OR52R1: variants seen among roughly 807,000 people sequenced by gnomAD.
The protein encoded by OR52R1 is olfactory receptor family 52 subfamily R member 1, also known as olfactory receptor 52R1.
For synonymous variants in OR52R1, 159 were observed against 150.1 expected, an observed-to-expected ratio of 1.06 and a Z score of -0.43; for missense variants, 432 against 395.1, an observed-to-expected ratio of 1.09 and a Z score of -0.79.
In OR52R1 at chr11:4,803,451, A is replaced by G. The variant is rs372717045; in HGVS notation, c.930T>C (p.Cys310=). 5 of 1,607,042 alleles carry G rather than the reference A, an allele frequency of 3.1e-6. No individual in the cohort carries two copies. Among genetic ancestry groups the G allele is most frequent in the Non-Finnish European group, 4.3e-6 (5 of 1,175,134 alleles). Residue 310 remains cysteine, a synonymous_variant, in exon 1 of 1, where the codon TGT becomes TGC. Transcript: ENST00000624978. The part of the protein sequence containing the change: ...KQIGDRVIQG[C]CGNIP ...CCTTTGCTCAGGGGATGTTTCCACA[A>G]CATCCTTGGATAACCCTGTCCCCGA...
rs370886643 is a variant in OR52R1, at chr11:4,804,348, A to G, written c.33T>C (p.His11=). The change falls in exon 1 of 1, where the codon CAT becomes CAC. Residue 11 remains histidine, a synonymous_variant. Coordinates refer to ENST00000624978, the MANE Select transcript of OR52R1 (RefSeq NM_001005177.3). MVLASGNSSS[H]PVSFILLGIP... ...TTCCAAGCAGGATGAAGGACACAGG[A>G]TGAGAAGAGCTGTTCCCTGAAGCCA... The G allele has an allele frequency of 6.2e-7, 1 of 1,614,172 alleles. No homozygotes were observed. Among genetic ancestry groups the G allele is most frequent in the Non-Finnish European group, 8.5e-7 (1 of 1,180,034 alleles).
Position 4,803,885 on chromosome 11 carries a change from C to T in OR52R1, c.496G>A (p.Val166Met). 6.2e-7 allele frequency: 1 copy of T among 1,612,794 alleles called. No individual in the cohort carries two copies. The highest frequency in any genetic ancestry group is 2.2e-5 in the East Asian group (1 of 44,814). The change falls in exon 1 of 1, where the codon GTG becomes ATG. Residue 166 changes from valine to methionine, a missense_variant. Val to Met is a conservative substitution (Grantham distance 21). Transcript: ENST00000624978. Reference sequence around the variant, plus strand: ...TGTTGGCAGAAGGGCATCCTAGACACCATGAAGCAGAAGGGGCTCACCCAC... The same window carrying T: ...TGTTGGCAGAAGGGCATCCTAGACATCATGAAGCAGAAGGGGCTCACCCAC... ...LLWVSPFCFM[V>M]SRMPFCQHQA... is the part of the protein sequence containing the mutation.
chr11:4,804,313 A>G lies in OR52R1; in HGVS notation c.68T>C (p.Leu23Pro). 2 of 1,614,158 alleles carry G rather than the reference A, an allele frequency of 1.2e-6. No individual in the cohort carries two copies. Among genetic ancestry groups the G allele is most frequent in the Non-Finnish European group, 1.7e-6 (2 of 1,180,026 alleles). ...GGCAATCCACAACTGGAAACTCTCC[A>G]GGCCTGGGATTCCAAGCAGGATGAA... ...VSFILLGIPG[L>P]ESFQLWIAFP... Residue 23 changes from leucine to proline, a missense_variant, in exon 1 of 1, where the codon CTG (leucine) becomes CCG (proline). Transcript: ENST00000624978.
In OR52R1 at chr11:4,803,591, T is replaced by G. The variant is rs1849214486; in HGVS notation, c.790A>C (p.Thr264Pro). The change falls in exon 1 of 1, where the codon ACC becomes CCC. Residue 264 changes from threonine to proline, a missense_variant. Coordinates refer to ENST00000624978, the MANE Select transcript of OR52R1 (RefSeq NM_001005177.3). ...LYIPALFSFL[T>P]YRFGHDVPRV... Reference sequence around the variant, plus strand: ...GGCACATCATGGCCAAAGCGGTAGGTGAGGAAAGAAAAAAGGGCTGGGATA... The same window carrying G: ...GGCACATCATGGCCAAAGCGGTAGGGGAGGAAAGAAAAAAGGGCTGGGATA... 6.2e-7 allele frequency: 1 copy of G among 1,612,078 alleles called. No homozygotes were observed. The highest frequency in any genetic ancestry group is 1.3e-5 in the African/African-American group (1 of 74,196).
rs752734603 is a variant in OR52R1, at chr11:4,803,471, C to T, written c.910G>A (p.Asp304Asn). The T allele has an allele frequency of 7.4e-6, 12 of 1,613,230 alleles. No individual in the cohort carries two copies. Among genetic ancestry groups the T allele is most frequent in the Non-Finnish European group, 9.3e-6 (11 of 1,179,364 alleles). ...IYGVRTKQIG[D>N]RVIQGCCGNI... is the part of the protein sequence containing the mutation. ...CCACAACATCCTTGGATAACCCTGTCCCCGATCTGTTTGGTTCTAACTCCA... is the reference window on the plus strand; with the variant it reads ...CCACAACATCCTTGGATAACCCTGTTCCCGATCTGTTTGGTTCTAACTCCA... Residue 304 changes from aspartate to asparagine, a missense_variant, in exon 1 of 1, where the codon GAC becomes AAC. Asp to Asn is a conservative substitution (Grantham distance 23). Coordinates refer to ENST00000624978, the MANE Select transcript of OR52R1 (RefSeq NM_001005177.3).
chr11:4,804,073 T>C lies in OR52R1; in HGVS notation c.308A>G (p.Gln103Arg). Residue 103 changes from glutamine (Q) to arginine (R), a missense_variant, in exon 1 of 1, where the codon CAG becomes CGG. Gln to Arg is a conservative substitution (Grantham distance 43). Transcript: ENST00000624978. ...HEIQYHACLI[Q>R]VFFIHAFSSV... ...AGAAAAGGCATGGATGAAGAACACCTGGATGAGGCAGGCATGGTACTGAAT... is the reference window on the plus strand; with the variant it reads ...AGAAAAGGCATGGATGAAGAACACCCGGATGAGGCAGGCATGGTACTGAAT... 6.2e-7 allele frequency: 1 copy of C among 1,614,020 alleles called. No homozygotes were observed. Among genetic ancestry groups the C allele is most frequent in the African/African-American group, 1.3e-5 (1 of 74,978 alleles).
chr11:4,803,560 A>T lies in OR52R1; in HGVS notation c.821T>A (p.Val274Asp). The change falls in exon 1 of 1, where the codon GTT (valine) becomes GAT (aspartate). Residue 274 changes from valine to aspartate, a missense_variant. Physicochemically the swap from Val to Asp is radical, Grantham distance 152 (BLOSUM62 -3). Transcript: ENST00000624978. The part of the protein sequence containing the change: ...TYRFGHDVPR[V>D]VHILFANLYL... The stretch of plus-strand genomic sequence containing the variant: ...GAGATTAGCAAACAGGATGTGTACA[A>T]CTCGGGGCACATCATGGCCAAAGCG... 6.2e-7 allele frequency: 1 copy of T among 1,613,960 alleles called. No individual in the cohort carries two copies. The highest frequency in any genetic ancestry group is 8.5e-7 in the Non-Finnish European group (1 of 1,179,970).
chr11:4,803,883 C>T lies in OR52R1; in HGVS notation c.498G>A (p.Val166=). Residue 166 remains valine (V), a synonymous_variant, in exon 1 of 1, where the codon GTG becomes GTA. Transcript: ENST00000624978. The part of the protein sequence containing the change: ...LLWVSPFCFM[V]SRMPFCQHQA... ...GGTGTTGGCAGAAGGGCATCCTAGACACCATGAAGCAGAAGGGGCTCACCC... is the reference window on the plus strand; with the variant it reads ...GGTGTTGGCAGAAGGGCATCCTAGATACCATGAAGCAGAAGGGGCTCACCC... The T allele has an allele frequency of 1.9e-6, 3 of 1,612,810 alleles. No homozygotes were observed. The highest frequency in any genetic ancestry group is 2.5e-6 in the Non-Finnish European group (3 of 1,179,858).
At position 4,803,473 on chromosome 11, in the gene OR52R1, C is replaced by A; in HGVS notation, c.908G>T (p.Gly303Val). Reference sequence around the variant, plus strand: ...ACAACATCCTTGGATAACCCTGTCCCCGATCTGTTTGGTTCTAACTCCATA... The same window carrying A: ...ACAACATCCTTGGATAACCCTGTCCACGATCTGTTTGGTTCTAACTCCATA... ...IIYGVRTKQI[G>V]DRVIQGCCGN... is the part of the protein sequence containing the mutation. The change falls in exon 1 of 1, where the codon GGG (glycine) becomes GTG (valine). Residue 303 changes from glycine to valine, a missense_variant. Physicochemically the swap from Gly to Val is moderately radical, Grantham distance 109. Coordinates refer to ENST00000624978, the MANE Select transcript of OR52R1 (RefSeq NM_001005177.3). 1.2e-6 allele frequency: 2 copies of A among 1,613,332 alleles called. No individual in the cohort carries two copies. The highest frequency in any genetic ancestry group is 3.3e-5 in the Admixed American group (2 of 59,994).
chr11:4,803,542 G>A lies in OR52R1; in HGVS notation c.839C>T (p.Ala280Val). Residue 280 changes from alanine (A) to valine (V), a missense_variant, in exon 1 of 1, where the codon GCT becomes GTT. Transcript: ENST00000624978. ...GGGAGGTATCAGTAGATAGAGATTA[G>A]CAAACAGGATGTGTACAACTCGGGG... ...DVPRVVHILF[A>V]NLYLLIPPML... 6.2e-7 allele frequency: 1 copy of A among 1,614,034 alleles called. No individual in the cohort carries two copies. Among genetic ancestry groups the A allele is most frequent in the Non-Finnish European group, 8.5e-7 (1 of 1,179,968 alleles).
At position 4,804,271 on chromosome 11, in the gene OR52R1, G is replaced by A. The variant is rs766625322; in HGVS notation, c.110C>T (p.Thr37Met). The A allele has an allele frequency of 2.6e-5, 42 of 1,613,992 alleles. No homozygotes were observed. The highest frequency in any genetic ancestry group is 1.6e-4 in the Middle Eastern group (1 of 6,062). ...QLWIAFPFCA[T>M]YAVAVVGNIT... The stretch of plus-strand genomic sequence containing the variant: ...ATTTCCAACAACAGCCACAGCATAC[G>A]TGGCACAGAACGGAAAGGCAATCCA... The change falls in exon 1 of 1, where the codon ACG becomes ATG. Residue 37 changes from threonine to methionine, a missense_variant. Thr to Met is a moderately conservative substitution (Grantham distance 81). Transcript: ENST00000624978.
Position 4,803,473 on chromosome 11 carries a change from C to T in OR52R1, c.908G>A (p.Gly303Glu), listed in dbSNP as rs1306872677. 6.2e-7 allele frequency: 1 copy of T among 1,613,332 alleles called. No homozygotes were observed. Among genetic ancestry groups the T allele is most frequent in the Admixed American group, 1.7e-5 (1 of 59,994 alleles). Residue 303 changes from glycine to glutamate, a missense_variant, in exon 1 of 1, where the codon GGG (glycine) becomes GAG (glutamate). Physicochemically the swap from Gly to Glu is moderately conservative, Grantham distance 98. Transcript: ENST00000624978. ...ACAACATCCTTGGATAACCCTGTCC[C>T]CGATCTGTTTGGTTCTAACTCCATA... is the stretch of plus-strand genomic sequence containing the variant. ...IIYGVRTKQI[G>E]DRVIQGCCGN...
rs531350416 is a variant in OR52R1, at chr11:4,803,939, C to G, written c.442G>C (p.Gly148Arg). ...AGCCCTCTCAGCATCACGATGGTCC[C>G]CAGTTTGATCACGACCGATGGGGTC... ...ILTPSVVIKL[G>R]TIVMLRGLLW... The change falls in exon 1 of 1, where the codon GGG (glycine) becomes CGG (arginine). Residue 148 changes from glycine to arginine, a missense_variant. Physicochemically the swap from Gly to Arg is moderately radical, Grantham distance 125. Transcript: ENST00000624978. 13 of 1,613,220 alleles carry G rather than the reference C, an allele frequency of 8.1e-6. No homozygotes were observed. Among genetic ancestry groups the G allele is most frequent in the Non-Finnish European group, 1.0e-5 (12 of 1,179,914 alleles).
rs1184065677 is a variant in OR52R1 at position 4,803,448 on chromosome 11, A to G, written c.933T>C (p.Cys311=). Residue 311 remains cysteine, a synonymous_variant, in exon 1 of 1, where the codon TGT becomes TGC. Coordinates refer to ENST00000624978, the MANE Select transcript of OR52R1 (RefSeq NM_001005177.3). ...GACCCTTTGCTCAGGGGATGTTTCC[A>G]CAACATCCTTGGATAACCCTGTCCC... ...QIGDRVIQGC[C]GNIP 2 of 1,604,826 alleles carry G rather than the reference A, an allele frequency of 1.2e-6. No individual in the cohort carries two copies. Among genetic ancestry groups the G allele is most frequent in the Non-Finnish European group, 1.7e-6 (2 of 1,173,406 alleles).
Position 4,804,048 on chromosome 11 carries a change from A to C in OR52R1, c.333T>G (p.Ser111=), listed in dbSNP as rs1849226722. The C allele has an allele frequency of 6.2e-6, 10 of 1,613,912 alleles. No individual in the cohort carries two copies. The highest frequency in any genetic ancestry group is 8.5e-6 in the Non-Finnish European group (10 of 1,180,026). The change falls in exon 1 of 1, where the codon TCT becomes TCG. Residue 111 remains serine (S), a synonymous_variant. Transcript: ENST00000624978. ...LIQVFFIHAF[S]SVESGVLMAM... ...CCATGAGCACCCCAGACTCCACAGA[A>C]GAAAAGGCATGGATGAAGAACACCT... is the stretch of plus-strand genomic sequence containing the variant.
In OR52R1 at chr11:4,804,292, A is replaced by G. The variant is rs940669648; in HGVS notation, c.89T>C (p.Ile30Thr). 5.0e-6 allele frequency: 8 copies of G among 1,614,096 alleles called. No individual in the cohort carries two copies. Among genetic ancestry groups the G allele is most frequent in the South Asian group, 1.1e-5 (1 of 91,078 alleles). Residue 30 changes from isoleucine to threonine, a missense_variant, in exon 1 of 1, where the codon ATT becomes ACT. Coordinates refer to ENST00000624978, the MANE Select transcript of OR52R1 (RefSeq NM_001005177.3). Reference sequence around the variant, plus strand: ...ATACGTGGCACAGAACGGAAAGGCAATCCACAACTGGAAACTCTCCAGGCC... The same window carrying G: ...ATACGTGGCACAGAACGGAAAGGCAGTCCACAACTGGAAACTCTCCAGGCC... ...IPGLESFQLW[I>T]AFPFCATYAV...
chr11:4,803,646 G>C lies in OR52R1; in HGVS notation c.735C>G (p.Ser245=). 1 of 1,613,950 alleles carries C rather than the reference G, an allele frequency of 6.2e-7. No homozygotes were observed. Among genetic ancestry groups the C allele is most frequent in the South Asian group, 1.1e-5 (1 of 91,048 alleles). The change falls in exon 1 of 1, where the codon TCC becomes TCG. Residue 245 remains serine, a synonymous_variant. Transcript: ENST00000624978. ...EARLKAFSTR[S]SHICVILALY... The stretch of plus-strand genomic sequence containing the variant: ...GAGCCAAGATGACACAGATATGGGA[G>C]GAACGTGTGCTAAAAGCTTTGAGGC...
chr11:4,803,658 A>G lies in OR52R1; in HGVS notation c.723T>C (p.Phe241=). ...CACAGATATGGGAGGAACGTGTGCTAAAAGCTTTGAGGCGGGCTTCACCTG... is the reference window on the plus strand; with the variant it reads ...CACAGATATGGGAGGAACGTGTGCTGAAAGCTTTGAGGCGGGCTTCACCTG... The part of the protein sequence containing the change: ...LPSGEARLKA[F]STRSSHICVI... The change falls in exon 1 of 1, where the codon TTT becomes TTC. Residue 241 remains phenylalanine, a synonymous_variant. Coordinates refer to ENST00000624978, the MANE Select transcript of OR52R1 (RefSeq NM_001005177.3). The G allele has an allele frequency of 6.2e-7, 1 of 1,614,004 alleles. No individual in the cohort carries two copies. The highest frequency in any genetic ancestry group is 8.5e-7 in the Non-Finnish European group (1 of 1,179,992).
chr11:4,803,439 G>A lies in OR52R1; in HGVS notation c.942C>T (p.Ile314=), dbSNP rs200172846. 2 of 1,599,240 alleles carry A rather than the reference G, an allele frequency of 1.3e-6. No individual in the cohort carries two copies. Among genetic ancestry groups the A allele is most frequent in the Non-Finnish European group, 1.7e-6 (2 of 1,169,684 alleles). ...GGATACACTGACCCTTTGCTCAGGG[G>A]ATGTTTCCACAACATCCTTGGATAA... ...DRVIQGCCGN[I]P The change falls in exon 1 of 1, where the codon ATC becomes ATT. Residue 314 remains isoleucine, a synonymous_variant. Transcript: ENST00000624978.
Sources: gnomAD v4.1 joint callset for allele counts on GRCh38, gnomAD v4.1.1 for gene constraint, MANE v1.5 for transcripts, NCBI Gene and HGNC (gene_info 2026-07-23, HGNC 2026-07-21) for gene names.